Variants in CENPP observed in about 807,000 individuals in gnomAD.
CENPP encodes centromere protein P.
Under a neutral mutation model 35.6 loss-of-function variants are expected in CENPP, and 24 were observed. The ratio of observed to expected loss-of-function variants is 0.67; its 90% CI spans 0.49 to 0.95. The LOEUF (loss-of-function observed/expected upper bound fraction) is 0.95. CENPP is among the 40% of genes least tolerant of loss of function. The pLI is 0.00. For missense variants in CENPP, 332 were observed against 345.3 expected (o/e 0.96, Z 0.31); for synonymous variants, 120 against 125.5 (o/e 0.96, Z 0.29).
In CENPP at chr9:92,528,614, C is replaced by T. The variant is rs958889885; in HGVS notation, c.565-82700C>T. ...AAAAAGACCAGGAAGAGTTTGTGTT[C>T]CACCAGTCAGAGTGGAAAACCTTAC... On this transcript the variant is annotated intron_variant, in intron 5 of 7. Coordinates refer to ENST00000375587, the MANE Select transcript of CENPP (RefSeq NM_001012267.3). Among the ~76,000 whole-genome samples the T allele has an allele frequency of 2.2e-4, 34 of 152,308 alleles. 1 individual carries two copies. Among genetic ancestry groups the T allele is most frequent in the Admixed American group, 2.1e-3 (32 of 15,302 alleles).
chr9:92,382,715 A>T (rs564273720), intron 5 of CENPP, among the ~76,000 whole-genome samples: 1 of 152,142 alleles, frequency 6.6e-6, no homozygotes, highest in South Asian at 2.1e-4. Context: ...ATTCTTTTGT[A>T]TATGGATATC....
intron 5 of CENPP, among the ~76,000 whole-genome samples, chr9:92,408,727 A>G (rs1843371553): frequency 1.3e-5 from 2 of 151,988 alleles, no homozygotes. Flanking sequence ...TAGTAGTTGC[A>G]CCCCACCCCC....
At chr9:92,339,931 C>T (rs1306374181) in intron 3 of CENPP, 1 of 153,712 alleles carries the variant, frequency 6.5e-6, no homozygotes, top group Non-Finnish European at 1.5e-5. Context: ...GTGAACTTGA[C>T]CTGAGAGTGG....
In CENPP at chr9:92,345,634, A is replaced by G. The variant is rs375819951; in HGVS notation, c.379-65A>G. 49 of 857,250 alleles carry G rather than the reference A, an allele frequency of 5.7e-5. 1 individual carries two copies. The East Asian group carries it at 6.1e-4, about 11-fold the overall frequency. The allele number at this position is 857,250 out of a possible 1,614,324, so 53.1% of individuals were successfully genotyped here. On this transcript the variant is annotated intron_variant, in intron 3 of 7. Coordinates refer to ENST00000375587, the MANE Select transcript of CENPP (RefSeq NM_001012267.3). ...GGTGGCATTTCATTTTGCATATTTC[A>G]AAAGTATTTTTGTCTTTTTGAAGTT...
intron 5 of CENPP, among the ~76,000 whole-genome samples, chr9:92,608,256 G>A (rs1009126637): frequency 2.0e-5 from 3 of 152,180 alleles, no homozygotes; most frequent in East Asian, 1.9e-4. Flanking sequence ...GCCAGGTGCC[G>A]TCCTTCTCTT....
At chr9:92,610,729 C>G (rs925867165) in intron 5 of CENPP, 1 of 153,190 alleles carries the variant, frequency 6.5e-6, no homozygotes, top group Admixed American at 6.5e-5. Flanking sequence ...CGCACCACCA[C>G]TGGGCACAGT....
At chr9:92,514,634 T>C in intron 5 of CENPP, 1 of 1,567,594 alleles carries the variant, frequency 6.4e-7, no homozygotes, top group African/African-American at 1.4e-5. Flanking sequence ...CTCTTACCAG[T>C]GAGCTCCAGA....
Position 92,337,575 on chromosome 9 carries a change from A to G in CENPP, c.324A>G (p.Ser108=). ...AAGTTCTACAGAGACACAGATTATCAGGAAATTGCCACATGGTTACATTTC... is the reference window on the plus strand; with the variant it reads ...AAGTTCTACAGAGACACAGATTATCGGGAAATTGCCACATGGTTACATTTC... ...IRKVLQRHRL[S]GNCHMVTFQL... The change falls in exon 3 of 8, where the codon TCA becomes TCG. Residue 108 remains serine (S), a synonymous_variant. Transcript: ENST00000375587. The G allele has an allele frequency of 6.2e-7, 1 of 1,609,076 alleles. No homozygotes were observed. Among genetic ancestry groups the G allele is most frequent in the Non-Finnish European group, 8.5e-7 (1 of 1,175,446 alleles).
At chr9:92,580,650 C>T (rs1263821904) in intron 5 of CENPP, among the ~76,000 whole-genome samples, 2 of 152,116 alleles carry the variant, frequency 1.3e-5, no homozygotes, top group Non-Finnish European at 2.9e-5. Flanking sequence ...GTGGTGATAT[C>T]CCCTTTATCA....
intron 5 of CENPP, among the ~76,000 whole-genome samples, chr9:92,448,152 A>C (rs1287630771): frequency 6.6e-6 from 1 of 152,240 alleles, no homozygotes. Context: ...CCCACTGCAC[A>C]AATGAAGACT....
At chr9:92,336,911 C>T (rs1840947953) in intron 2 of CENPP, among the ~76,000 whole-genome samples, 1 of 152,112 alleles carries the variant, frequency 6.6e-6, no homozygotes, top group African/African-American at 2.4e-5. Flanking sequence ...AATTTACTGC[C>T]TTTAAGTACT....
intron 4 of CENPP, among the ~76,000 whole-genome samples, chr9:92,353,195 A>G (rs902858137): frequency 1.3e-5 from 2 of 152,254 alleles, no homozygotes; most frequent in Non-Finnish European, 2.9e-5. Flanking sequence ...TACATGCACA[A>G]ACATATTTTT....
intron 5 of CENPP, chr9:92,536,494 A>G (rs1485039686): frequency 1.3e-5 from 2 of 153,278 alleles, no homozygotes; most frequent in Non-Finnish European, 2.9e-5. Flanking sequence ...ACAAAACGAC[A>G]ACAACAAAAA....
chr9:92,471,346 G>T (rs1255549597), intron 5 of CENPP, among the ~76,000 whole-genome samples: 1 of 151,722 alleles, frequency 6.6e-6, no homozygotes, highest in African/African-American at 2.4e-5. Context: ...ACAGGTGTGT[G>T]CCACCACGCC....
At chr9:92,552,925 T>C (rs1345894378) in intron 5 of CENPP, among the ~76,000 whole-genome samples, 1 of 151,892 alleles carries the variant, frequency 6.6e-6, no homozygotes, top group Non-Finnish European at 1.5e-5. Context: ...CCAATGTCTA[T>C]TTATTTATTT....
chr9:92,557,828 A>G (rs904524978), intron 5 of CENPP, among the ~76,000 whole-genome samples: 6 of 152,068 alleles, frequency 3.9e-5, no homozygotes, highest in African/African-American at 1.4e-4. Context: ...TTTTTTTAGT[A>G]GAGACGGGAT....
chr9:92,545,234 C>T (rs545361727), intron 5 of CENPP, among the ~76,000 whole-genome samples: 2 of 151,936 alleles, frequency 1.3e-5, no homozygotes, highest in African/African-American at 4.8e-5. Context: ...CTGGGATGGC[C>T]GAGGCCGGAG....
In CENPP at chr9:92,481,469, T is replaced by C. The variant is rs867755095; in HGVS notation, c.564+101610T>C. On this transcript the variant is annotated intron_variant, in intron 5 of 7. Transcript: ENST00000375587. ...GTCCCTACACCATGTGGCCACTGTT[T>C]CCTGGGTGCCACACCTCTGAATAGA... Among the ~76,000 whole-genome samples, 4 of 152,310 alleles carry C rather than the reference T, an allele frequency of 2.6e-5. No individual in the cohort carries two copies. In the South Asian group the frequency reaches 8.3e-4, roughly 32 times the overall value.
intron 5 of CENPP, among the ~76,000 whole-genome samples, chr9:92,583,654 G>A (rs939909171): frequency 6.6e-6 from 1 of 151,770 alleles, no homozygotes; most frequent in Non-Finnish European, 1.5e-5. Context: ...TTTTTGGAGG[G>A]TAGATTAAAA....
Sources: gnomAD v4.1 joint callset for allele counts (sites outside exome capture counted in the v4.1 genomes callset) on GRCh38, gnomAD v4.1.1 for gene constraint, MANE v1.5 for transcripts, NCBI Gene and HGNC (gene_info 2026-07-23, HGNC 2026-07-21) for gene names.